Variants in ANKRD10 observed in about 807,000 individuals in gnomAD.
ANKRD10 encodes ankyrin repeat domain-containing protein 10.
A neutral mutation model predicts 27.0 loss-of-function variants in ANKRD10; 14 were observed. That is an observed-to-expected ratio of 0.52 (90% CI 0.34 to 0.81). The LOEUF (loss-of-function observed/expected upper bound fraction) is 0.81. ANKRD10 is among the 40% of genes least tolerant of loss of function. The pLI, the probability that ANKRD10 is intolerant of heterozygous loss-of-function variation, is 0.01. For synonymous variants in ANKRD10, 250 were observed against 224.5 expected (o/e 1.11, Z -1.01); for missense variants, 493 against 544.0 (o/e 0.91, Z 0.93).
chr13:110,887,159 G>A (rs1402686949), intron 4 of ANKRD10, among the ~76,000 whole-genome samples: 1 of 152,150 alleles, frequency 6.6e-6, no homozygotes, highest in Non-Finnish European at 1.5e-5. Flanking sequence ...TGCTCCACTT[G>A]GGGCTGATGC....
chr13:110,910,063 T>C (rs1224142557), intron 2 of ANKRD10, among the ~76,000 whole-genome samples: 1 of 152,140 alleles, frequency 6.6e-6, no homozygotes, highest in East Asian at 1.9e-4. Context: ...GTGTGTTTGG[T>C]TTAGGTGAAA....
rs1373273698 is a variant in ANKRD10, at chr13:110,890,084, TAATAA to T, written c.691+2939_691+2943del. 3.9e-5 allele frequency among the ~76,000 whole-genome samples: 6 copies of T among 152,276 alleles called. No homozygotes were observed. In the East Asian group the frequency reaches 9.6e-4, roughly 24 times the overall value. On this transcript the variant is annotated intron_variant, in intron 4 of 5. Transcript: ENST00000267339. ...TACTCTGGCATGAGAACCAAAAACC[TAATAA>T]AATAATTCAGATTAAGCAAAACTTA... is the stretch of plus-strand genomic sequence containing the variant.
intron 3 of ANKRD10, chr13:110,900,833 T>C (rs2065361832): frequency 8.3e-6 from 4 of 479,058 alleles, no homozygotes; most frequent in South Asian, 3.7e-5. Context: ...TAAAAATACA[T>C]AGACAACATA....
rs7994149 is a variant in ANKRD10, at chr13:110,890,759, C to G, written c.691+2269G>C. ...ACCATATTTTTGTCTAAATTAGCACCCTCGGGCTTGGGACCAGGAATGTAT... is the reference window on the plus strand; with the variant it reads ...ACCATATTTTTGTCTAAATTAGCACGCTCGGGCTTGGGACCAGGAATGTAT... On this transcript the variant is annotated intron_variant, in intron 4 of 5. Transcript: ENST00000267339. Among the ~76,000 whole-genome samples the G allele has an allele frequency of 9.2e-5, 14 of 151,854 alleles. 1 individual carries two copies. The South Asian group carries it at 2.7e-3, about 29-fold the overall frequency.
At position 110,879,430 on chromosome 13, in the gene ANKRD10, C is replaced by T. The variant is rs1431140560; in HGVS notation, c.*207G>A. On this transcript the variant is annotated 3_prime_UTR_variant, in exon 6 of 6. Coordinates refer to ENST00000267339, the MANE Select transcript of ANKRD10 (RefSeq NM_017664.4). Reference sequence around the variant, plus strand: ...AGTGCACCTTATAAAAAGGACACCTCACTGTAGAAACATCTATGCACTTAG... The same window carrying T: ...AGTGCACCTTATAAAAAGGACACCTTACTGTAGAAACATCTATGCACTTAG... The T allele has an allele frequency of 1.8e-6, 1 of 558,706 alleles. No individual in the cohort carries two copies. The highest frequency in any genetic ancestry group is 3.2e-6 in the Non-Finnish European group (1 of 313,368). The allele number at this position is 558,706 out of a possible 1,614,324, so 34.6% of individuals were successfully genotyped here. A position where few individuals can be genotyped will look rare whatever the true frequency, so the allele number is the denominator to read the frequency against.
At chr13:110,881,096 C>T (rs1044463818) in intron 5 of ANKRD10, among the ~76,000 whole-genome samples, 3 of 152,190 alleles carry the variant, frequency 2.0e-5, no homozygotes, top group Non-Finnish European at 4.4e-5. Context: ...TATACTGGAA[C>T]TTGAGAATCA....
intron 2 of ANKRD10, among the ~76,000 whole-genome samples, chr13:110,906,785 A>T (rs1235698226): frequency 6.6e-6 from 1 of 152,190 alleles, no homozygotes; most frequent in Non-Finnish European, 1.5e-5. Flanking sequence ...ACCAAGCTTC[A>T]TAAGAATGAA....
chr13:110,887,987 G>T lies in ANKRD10; in HGVS notation c.692-4194C>A, dbSNP rs144605327. Among the ~76,000 whole-genome samples, 240 of 152,294 alleles carry T rather than the reference G, an allele frequency of 1.6e-3. 1 individual carries two copies. Among genetic ancestry groups the T allele is most frequent in the Non-Finnish European group, 2.7e-3 (181 of 68,026 alleles). On this transcript the variant is annotated intron_variant, in intron 4 of 5. Transcript: ENST00000267339. ...TGGAACTATTCTTTGTTCTGCTGTAGAGCACATTTTACTCAACTTTTTAAG... is the reference window on the plus strand; with the variant it reads ...TGGAACTATTCTTTGTTCTGCTGTATAGCACATTTTACTCAACTTTTTAAG...
chr13:110,914,989 A>G lies in ANKRD10; in HGVS notation c.-55T>C. ...TGGCCTAGAGGACGCGTCGGGGAGG[A>G]CTCGAGAAGCCGCCGCCGCAGCACA... On this transcript the variant is annotated 5_prime_UTR_variant, in exon 1 of 6. Coordinates refer to ENST00000267339, the MANE Select transcript of ANKRD10 (RefSeq NM_017664.4). The G allele has an allele frequency of 6.7e-7, 1 of 1,496,432 alleles. No individual in the cohort carries two copies. Among genetic ancestry groups the G allele is most frequent in the Non-Finnish European group, 8.9e-7 (1 of 1,127,768 alleles). 92.7% of individuals were successfully genotyped at this position (1,496,432 alleles called of 1,614,324 possible). A position where few individuals can be genotyped will look rare whatever the true frequency, so the allele number is the denominator to read the frequency against.
chr13:110,904,375 T>C (rs1404233027), intron 3 of ANKRD10: 1 of 151,710 alleles, frequency 6.6e-6, no homozygotes, highest in African/African-American at 2.4e-5. Flanking sequence ...AAATAAAAGA[T>C]TCTCATTTTT....
At chr13:110,905,845 C>T (rs775417180) in intron 3 of ANKRD10, among the ~76,000 whole-genome samples, 188 bp downstream of exon 3, 12 of 152,186 alleles carry the variant, frequency 7.9e-5, no homozygotes, top group Non-Finnish European at 1.8e-4. Context: ...TGAAATTAAA[C>T]CCCCTCCTCT....
chr13:110,892,436 A>AAAAAAAAAAAAAAAT (rs1555321016), intron 4 of ANKRD10, among the ~76,000 whole-genome samples: 3 of 144,572 alleles, frequency 2.1e-5, no homozygotes, highest in Non-Finnish European at 4.6e-5. Flanking sequence ...AAAAAAAAAA[A>AAAAAAAAAAAAAAAT]TGGTGGGAGA....
At chr13:110,897,329 G>A (rs1235187144) in intron 3 of ANKRD10, among the ~76,000 whole-genome samples, 1 of 130,952 alleles carries the variant, frequency 7.6e-6, no homozygotes, top group Non-Finnish European at 1.6e-5. Flanking sequence ...GAGAGATGTT[G>A]CTCAGGCTGG....
chr13:110,881,217 A>G (rs2064810691), intron 5 of ANKRD10, among the ~76,000 whole-genome samples: 1 of 152,220 alleles, frequency 6.6e-6, no homozygotes, highest in Non-Finnish European at 1.5e-5. Flanking sequence ...ACCAAAGCAA[A>G]GCATGTTATT....
At position 110,879,454 on chromosome 13, in the gene ANKRD10, AGTAAGCCC is replaced by A; in HGVS notation, c.*175_*182del. 1 of 600,250 alleles carries A rather than the reference AGTAAGCCC, an allele frequency of 1.7e-6. No homozygotes were observed. The highest frequency in any genetic ancestry group is 2.0e-5 in the South Asian group (1 of 49,404). The allele number at this position is 600,250 out of a possible 1,614,324, so 37.2% of individuals were successfully genotyped here. ...TCACTGTAGAAACATCTATGCACTT[AGTAAGCCC>A]TACTCATGCACAAACAAGCAGTTGC... On this transcript the variant is annotated 3_prime_UTR_variant, in exon 6 of 6. Transcript: ENST00000267339.
intron 3 of ANKRD10, among the ~76,000 whole-genome samples, chr13:110,901,901 G>A (rs2065391202): frequency 6.6e-6 from 1 of 152,060 alleles, no homozygotes; most frequent in Non-Finnish European, 1.5e-5. Context: ...AAATTAGTTG[G>A]GCATGGTGGT....
intron 1 of ANKRD10, among the ~76,000 whole-genome samples, chr13:110,912,972 G>A (rs1275861650): frequency 6.6e-6 from 1 of 152,246 alleles, no homozygotes; most frequent in Non-Finnish European, 1.5e-5. Flanking sequence ...TACAACATTT[G>A]ATGACCAAGG....
At chr13:110,888,422 A>G (rs745646781) in intron 4 of ANKRD10, among the ~76,000 whole-genome samples, 1 of 152,096 alleles carries the variant, frequency 6.6e-6, no homozygotes, top group Non-Finnish European at 1.5e-5. Flanking sequence ...CCTTATTTGA[A>G]CACAATTAGG....
intron 3 of ANKRD10, among the ~76,000 whole-genome samples, chr13:110,905,479 T>A (rs1190696581): frequency 1.3e-5 from 2 of 152,222 alleles, no homozygotes; most frequent in Non-Finnish European, 2.9e-5. Context: ...ACAGCAAGCT[T>A]GAGGTCTTTA....
Sources: gnomAD v4.1 joint callset for allele counts (sites outside exome capture counted in the v4.1 genomes callset) on GRCh38, gnomAD v4.1.1 for gene constraint, MANE v1.5 for transcripts, NCBI Gene and HGNC (gene_info 2026-07-23, HGNC 2026-07-21) for gene names.